Variants in PPA2 observed in about 807,000 individuals in gnomAD.
PPA2 encodes inorganic pyrophosphatase 2, also known as inorganic pyrophosphatase 2, mitochondrial.
PPA2 carries 48 observed loss-of-function variants against 49.5 expected under a neutral mutation model. The ratio of observed to expected loss-of-function variants is 0.97; its 90% CI spans 0.77 to 1.23. PPA2 has a LOEUF of 1.23. Among genes scored for constraint, PPA2 ranks in the 50% most tolerant of loss-of-function variants. The pLI is 0.00. For missense variants in PPA2, 429 were observed against 410.1 expected (o/e 1.05, Z -0.40); for synonymous variants, 131 against 139.9 (o/e 0.94, Z 0.45).
intron 7 of PPA2, among the ~76,000 whole-genome samples, chr4:105,418,807 G>A (rs896269275): frequency 1.3e-5 from 2 of 152,182 alleles, no homozygotes; most frequent in African/African-American, 4.8e-5. Context: ...CGTGACATTA[G>A]TTCTCCTGAC....
chr4:105,382,094 T>G (rs1733512668), intron 10 of PPA2, among the ~76,000 whole-genome samples: 1 of 152,030 alleles, frequency 6.6e-6, no homozygotes, highest in Non-Finnish European at 1.5e-5. Context: ...CTGACTCAGT[T>G]GTCTTCCAAT....
intron 7 of PPA2, among the ~76,000 whole-genome samples, chr4:105,410,575 T>A (rs1035293058): frequency 7.2e-5 from 11 of 152,186 alleles, no homozygotes; most frequent in African/African-American, 2.7e-4. Flanking sequence ...ACCACAAAGA[T>A]ACTCCTTGAG....
intron 10 of PPA2, among the ~76,000 whole-genome samples, chr4:105,382,463 G>A (rs1213090222): frequency 6.6e-6 from 1 of 152,078 alleles, no homozygotes; most frequent in Non-Finnish European, 1.5e-5. Context: ...ACCCCCAATA[G>A]TCAAATCAAG....
At chr4:105,471,148 A>G (rs1055393893) in intron 1 of PPA2, among the ~76,000 whole-genome samples, 5 of 152,318 alleles carry the variant, frequency 3.3e-5, no homozygotes, top group African/African-American at 1.2e-4. Flanking sequence ...ATAATATACC[A>G]TGGGATGCTT....
chr4:105,391,844 T>C (rs1733934212), intron 9 of PPA2, among the ~76,000 whole-genome samples: 1 of 152,134 alleles, frequency 6.6e-6, no homozygotes, highest in African/African-American at 2.4e-5. Context: ...CAGTATTGTA[T>C]AGAATATATT....
intron 10 of PPA2, among the ~76,000 whole-genome samples, chr4:105,376,187 A>C (rs1733241712): frequency 6.6e-6 from 1 of 152,212 alleles, no homozygotes; most frequent in South Asian, 2.1e-4. Context: ...TTTGGGATGA[A>C]ATAGATGGCC....
At chr4:105,455,867 T>C (rs1722857187) in intron 2 of PPA2, among the ~76,000 whole-genome samples, 1 of 152,188 alleles carries the variant, frequency 6.6e-6, no homozygotes. Flanking sequence ...ACGAGTTACA[T>C]ATAATTTCAA....
intron 6 of PPA2, among the ~76,000 whole-genome samples, chr4:105,427,160 C>T (rs1223188120): frequency 1.3e-5 from 2 of 152,176 alleles, no homozygotes; most frequent in African/African-American, 2.4e-5. Flanking sequence ...CCAACATCAA[C>T]AAAAAGGACA....
At chr4:105,465,561 A>G (rs1398087545) in intron 1 of PPA2, among the ~76,000 whole-genome samples, 2 of 152,148 alleles carry the variant, frequency 1.3e-5, no homozygotes, top group Non-Finnish European at 2.9e-5. Flanking sequence ...GTGTTCTGTA[A>G]GAAGGATTGC....
intron 10 of PPA2, among the ~76,000 whole-genome samples, chr4:105,384,503 A>C (rs1733608483): frequency 1.3e-5 from 2 of 152,222 alleles, no homozygotes; most frequent in Admixed American, 1.3e-4. Flanking sequence ...TTTTAAGACA[A>C]GTATCTACTA....
chr4:105,465,346 G>A (rs1004835229), intron 1 of PPA2, among the ~76,000 whole-genome samples: 4 of 151,994 alleles, frequency 2.6e-5, no homozygotes, highest in African/African-American at 4.8e-5. Flanking sequence ...AATGCCTCAC[G>A]GATATCATCA....
chr4:105,447,334 A>C (rs959053070), intron 4 of PPA2, among the ~76,000 whole-genome samples: 2 of 152,196 alleles, frequency 1.3e-5, no homozygotes, highest in Non-Finnish European at 2.9e-5. Flanking sequence ...GTGGAATCTA[A>C]AAAATTGAAC....
chr4:105,395,136 T>C (rs1734083383), intron 9 of PPA2, among the ~76,000 whole-genome samples: 1 of 149,258 alleles, frequency 6.7e-6, no homozygotes, highest in African/African-American at 2.5e-5. Flanking sequence ...GGCCAAGGAG[T>C]TGACAGTGTT....
rs57790851 is a variant in PPA2 at position 105,393,485 on chromosome 4, A to AAAT, written c.869+2761_869+2763dup. Among the ~76,000 whole-genome samples the AAAT allele has an allele frequency of 1.3e-3, 166 of 132,800 alleles. 1 individual carries two copies. Among genetic ancestry groups the AAAT allele is most frequent in the East Asian group, 3.3e-3 (15 of 4,604 alleles). The allele number at this position is 132,800 out of a possible 152,430, so 87.1% of individuals were successfully genotyped here. On this transcript the variant is annotated intron_variant, in intron 9 of 11. Transcript: ENST00000341695. ...GGCAACAGAGCAAGACACTGTCTCA[A>AAAT]AATAATAATAATAATAATAATAATA...
At chr4:105,446,335 A>C in intron 5 of PPA2, 48 bp downstream of exon 5, 2 of 1,522,306 alleles carry the variant, frequency 1.3e-6, no homozygotes, top group Non-Finnish European at 1.8e-6. Context: ...TTATAAGGCA[A>C]TTTTTTCAGA....
chr4:105,369,688 G>C lies in PPA2; in HGVS notation c.*37C>G, dbSNP rs926542608. 2.3e-6 allele frequency: 3 copies of C among 1,301,710 alleles called. No homozygotes were observed. In the African/African-American group the frequency reaches 5.9e-5, roughly 25 times the overall value. 80.6% of individuals were successfully genotyped at this position (1,301,710 alleles called of 1,614,324 possible). A position where few individuals can be genotyped will look rare whatever the true frequency, so the allele number is the denominator to read the frequency against. ...GTCTCTAGCACTTGGAGTCCTTAGA[G>C]ATGGGAATCTTGACAGCAGAATTTC... On this transcript the variant is annotated 3_prime_UTR_variant, in exon 12 of 12. Coordinates refer to ENST00000341695, the MANE Select transcript of PPA2 (RefSeq NM_176869.3).
intron 10 of PPA2, among the ~76,000 whole-genome samples, chr4:105,384,001 A>G (rs150956318): frequency 1.2e-4 from 18 of 152,316 alleles, no homozygotes; most frequent in African/African-American, 4.3e-4. Context: ...TCTGATTCAA[A>G]TACTTCAATG....
intron 1 of PPA2, among the ~76,000 whole-genome samples, chr4:105,469,134 A>G: frequency 6.6e-6 from 1 of 152,090 alleles, no homozygotes; most frequent in Non-Finnish European, 1.5e-5. Flanking sequence ...TATCACTTTA[A>G]TAGGATATTT....
chr4:105,404,100 T>C (rs951348721), intron 7 of PPA2, among the ~76,000 whole-genome samples: 1 of 151,864 alleles, frequency 6.6e-6, no homozygotes, highest in Non-Finnish European at 1.5e-5. Context: ...ACAGTATATA[T>C]GAGAGAGAAA....
Sources: allele counts gnomAD v4.1 joint callset (sites outside exome capture counted in the v4.1 genomes callset), GRCh38; gene constraint gnomAD v4.1.1; transcripts MANE v1.5; gene names NCBI Gene and HGNC (gene_info 2026-07-23, HGNC 2026-07-21).